PDE8B: variants seen among roughly 807,000 people sequenced by gnomAD.
The protein encoded by PDE8B is high affinity cAMP-specific and IBMX-insensitive 3',5'-cyclic phosphodiesterase 8B.
Under a neutral mutation model 101.3 loss-of-function variants are expected in PDE8B, and 26 were observed. The observed-to-expected ratio is 0.26, with a 90% CI of 0.19 to 0.36. PDE8B has a LOEUF of 0.36. Ranked by LOEUF, PDE8B falls within the 10% of genes least tolerant of loss-of-function variation. The pLI, the probability that PDE8B is intolerant of heterozygous loss-of-function variation, is 1.00. For synonymous variants in PDE8B, 424 were observed against 429.3 expected, an observed-to-expected ratio of 0.99 and a Z score of 0.15; for missense variants, 810 against 1,163.1, an observed-to-expected ratio of 0.70 and a Z score of 4.42.
intron 17 of PDE8B, among the ~76,000 whole-genome samples, chr5:77,415,813 G>A (rs531033208): frequency 1.8e-4 from 27 of 152,294 alleles, no homozygotes; most frequent in African/African-American, 6.3e-4. Flanking sequence ...GAGAAGCCAG[G>A]ATAACAAGCA....
chr5:77,319,453 A>T (rs907640110), intron 2 of PDE8B, among the ~76,000 whole-genome samples: 2 of 152,242 alleles, frequency 1.3e-5, no homozygotes, highest in African/African-American at 2.4e-5. Context: ...CCCAAATGAC[A>T]TTATGCAAAA....
At chr5:77,237,342 T>C (rs1754894359) in intron 1 of PDE8B, among the ~76,000 whole-genome samples, 1 of 152,186 alleles carries the variant, frequency 6.6e-6, no homozygotes, top group Non-Finnish European at 1.5e-5. Context: ...TTCTGGTTTA[T>C]TCAAACATTT....
the PDE8B span, among the ~76,000 whole-genome samples, chr5:77,126,053 G>GA: frequency 6.6e-6 from 1 of 152,274 alleles, no homozygotes; most frequent in South Asian, 2.1e-4. Flanking sequence ...TTGGGAGGCT[G>GA]AGGTGGGCGG....
intron 9 of PDE8B, among the ~76,000 whole-genome samples, chr5:77,352,753 A>G (rs548140587): frequency 1.3e-5 from 2 of 152,178 alleles, no homozygotes; most frequent in South Asian, 4.2e-4. Flanking sequence ...CTGTGAGCTG[A>G]TTTTTGCATG....
the PDE8B span, among the ~76,000 whole-genome samples, chr5:77,183,971 T>C: frequency 4.4e-4 from 66 of 149,488 alleles, no homozygotes; most frequent in Non-Finnish European, 8.5e-4. Context: ...AATACATACT[T>C]TTTTTTTTTA....
intron 1 of PDE8B, among the ~76,000 whole-genome samples, chr5:77,266,378 G>A (rs139335616): frequency 5.3e-5 from 8 of 152,148 alleles, no homozygotes; most frequent in East Asian, 1.9e-4. Flanking sequence ...CACATTTTTT[G>A]TGCTCTTCAT....
At chr5:77,114,179 A>G in the PDE8B span, 1 of 152,344 alleles carries the variant, frequency 6.6e-6, no homozygotes, top group African/African-American at 2.4e-5. Flanking sequence ...CCAAAGGATT[A>G]TAAATCATGC....
At chr5:77,118,729 G>A in the PDE8B span, 6 of 194,420 alleles carry the variant, frequency 3.1e-5, no homozygotes, top group Non-Finnish European at 6.2e-5. Context: ...CCCAGCCAGA[G>A]GTGCAGTTTT....
chr5:77,327,560 C>T (rs550984445), intron 3 of PDE8B, among the ~76,000 whole-genome samples: 1 of 152,264 alleles, frequency 6.6e-6, no homozygotes, highest in South Asian at 2.1e-4. Context: ...TAGTGTTTCC[C>T]TAGAGATAAG....
chr5:77,092,603 T>G, the PDE8B span: 1 of 152,214 alleles, frequency 6.6e-6, no homozygotes, highest in Non-Finnish European at 1.5e-5. Context: ...ATTACAGCCT[T>G]GAAATCTGCT....
At position 77,401,709 on chromosome 5, in the gene PDE8B, G is replaced by A. The variant is rs545052659; in HGVS notation, c.1210+1419G>A. ...GTGGCACATATTCCTTTTTGCCACA[G>A]AGTACAGCTGTTTAAATGTCCTTTA... is the stretch of plus-strand genomic sequence containing the variant. On this transcript the variant is annotated intron_variant, in intron 11 of 21. Coordinates refer to ENST00000264917, the MANE Select transcript of PDE8B (RefSeq NM_003719.5). Among the ~76,000 whole-genome samples, 130 of 152,172 alleles carry A rather than the reference G, an allele frequency of 8.5e-4. 1 individual carries two copies. Among genetic ancestry groups the A allele is most frequent in the African/African-American group, 3.0e-3 (123 of 41,528 alleles).
At chr5:77,304,672 A>G (rs1312918649) in intron 1 of PDE8B, among the ~76,000 whole-genome samples, 2 of 152,238 alleles carry the variant, frequency 1.3e-5, no homozygotes, top group Non-Finnish European at 1.5e-5. Context: ...GGCATAAAAC[A>G]TAAAAGTAAT....
chr5:77,307,993 G>A (rs935399862), intron 1 of PDE8B, among the ~76,000 whole-genome samples: 2 of 152,190 alleles, frequency 1.3e-5, no homozygotes, highest in African/African-American at 4.8e-5. Flanking sequence ...ATCTTGGCCT[G>A]GCTACACAGA....
intron 20 of PDE8B, among the ~76,000 whole-genome samples, chr5:77,423,635 T>TTTTTTTTTTTTG (rs1797218848): frequency 1.9e-5 from 1 of 51,506 alleles, no homozygotes; most frequent in East Asian, 6.8e-4. Context: ...TTGTTTAGTT[T>TTTTTTTTTTTTG]TTTTTTTTTT....
chr5:77,321,477 GGTCCCA>G (rs1775061361), intron 2 of PDE8B, among the ~76,000 whole-genome samples: 1 of 152,062 alleles, frequency 6.6e-6, no homozygotes, highest in Non-Finnish European at 1.5e-5. Context: ...ATGGGCCACA[GGTCCCA>G]GTTCCTAGCC....
chr5:77,290,160 C>A, intron 1 of PDE8B: 1 of 1,367,294 alleles, frequency 7.3e-7, no homozygotes, highest in South Asian at 1.2e-5. Context: ...GAATTCCAAT[C>A]TGGTCTTACA....
At chr5:77,383,589 T>C (rs1787948257) in intron 10 of PDE8B, among the ~76,000 whole-genome samples, 2 of 152,372 alleles carry the variant, frequency 1.3e-5, no homozygotes, top group South Asian at 4.1e-4. Context: ...GCCTAGGTTT[T>C]CTTCCAGGGT....
At chr5:77,171,852 T>G in the PDE8B span, among the ~76,000 whole-genome samples, 1 of 152,138 alleles carries the variant, frequency 6.6e-6, no homozygotes, top group African/African-American at 2.4e-5. Flanking sequence ...TGGCTGAACC[T>G]GACTGACTGG....
intron 2 of PDE8B, among the ~76,000 whole-genome samples, chr5:77,318,225 G>C (rs1774264354): frequency 6.6e-6 from 1 of 152,064 alleles, no homozygotes; most frequent in Non-Finnish European, 1.5e-5. Context: ...AATGACTGAG[G>C]GATGGAGATG....
Sources: gnomAD v4.1 joint callset for allele counts (sites outside exome capture counted in the v4.1 genomes callset) on GRCh38, gnomAD v4.1.1 for gene constraint, MANE v1.5 for transcripts, NCBI Gene and HGNC (gene_info 2026-07-23, HGNC 2026-07-21) for gene names.